NEGR1: variants seen among roughly 807,000 people sequenced by gnomAD.
NEGR1 encodes the protein neuronal growth regulator 1.
NEGR1 carries 10 observed loss-of-function variants against 40.9 expected under a neutral mutation model. That is an observed-to-expected ratio of 0.24 (90% CI 0.15 to 0.42). The LOEUF (loss-of-function observed/expected upper bound fraction) is 0.42. Ranked by LOEUF, NEGR1 falls within the 10% of genes least tolerant of loss-of-function variation. The pLI is 1.00. For synonymous variants in NEGR1, 185 were observed against 166.8 expected (o/e 1.11, Z -0.84); for missense variants, 352 against 438.9 (o/e 0.80, Z 1.77).
intron 1 of NEGR1, among the ~76,000 whole-genome samples, chr1:71,947,138 GTA>G (rs112790373): frequency 3.4e-4 from 48 of 140,888 alleles, no homozygotes; most frequent in Non-Finnish European, 6.4e-4. Flanking sequence ...ACACGTATAT[GTA>G]TATATATATG....
At chr1:71,909,106 TGA>T (rs1661357376) in intron 2 of NEGR1, among the ~76,000 whole-genome samples, 1 of 152,150 alleles carries the variant, frequency 6.6e-6, no homozygotes, top group South Asian at 2.1e-4. Flanking sequence ...GGATTGCCTG[TGA>T]GTCTTTCAAA....
intron 1 of NEGR1, among the ~76,000 whole-genome samples, chr1:72,232,617 T>C (rs899455788): frequency 5.3e-5 from 8 of 152,100 alleles, no homozygotes; most frequent in African/African-American, 1.9e-4. Context: ...TTTCTTTTAG[T>C]GTAATAGCAA....
chr1:72,216,259 G>T (rs1470442712), intron 1 of NEGR1, among the ~76,000 whole-genome samples: 3 of 150,910 alleles, frequency 2.0e-5, no homozygotes, highest in Non-Finnish European at 4.4e-5. Flanking sequence ...TAATGCATGT[G>T]GGGCTTAAAA....
At chr1:72,205,971 A>T (rs2100454781) in intron 1 of NEGR1, among the ~76,000 whole-genome samples, 1 of 150,078 alleles carries the variant, frequency 6.7e-6, no homozygotes, top group Non-Finnish European at 1.5e-5. Flanking sequence ...ACAGATAATT[A>T]CTTAGAGAAT....
intron 3 of NEGR1, among the ~76,000 whole-genome samples, chr1:71,746,560 T>TC (rs1655388962): frequency 6.6e-6 from 1 of 150,922 alleles, no homozygotes; most frequent in African/African-American, 2.5e-5. Context: ...TGAGAAATCT[T>TC]CTTTTTTTTT....
chr1:71,602,495 C>G (rs1649958504), intron 5 of NEGR1, among the ~76,000 whole-genome samples: 1 of 151,804 alleles, frequency 6.6e-6, no homozygotes, highest in Non-Finnish European at 1.5e-5. Flanking sequence ...TCGTGATCCG[C>G]CCGCCTCGGC....
chr1:72,123,184 G>T (rs1215491464), intron 1 of NEGR1, among the ~76,000 whole-genome samples: 1 of 151,738 alleles, frequency 6.6e-6, no homozygotes, highest in African/African-American at 2.4e-5. Context: ...TCATTTTCAT[G>T]CATATTTGGC....
chr1:71,699,298 T>C (rs1377277424), intron 3 of NEGR1, among the ~76,000 whole-genome samples: 1 of 151,920 alleles, frequency 6.6e-6, no homozygotes, highest in Non-Finnish European at 1.5e-5. Context: ...TGTTCCCCCA[T>C]GCACTTCTGT....
intron 2 of NEGR1, among the ~76,000 whole-genome samples, chr1:71,913,056 T>C (rs898205502): frequency 1.3e-5 from 2 of 152,188 alleles, no homozygotes; most frequent in South Asian, 4.1e-4. Flanking sequence ...CCTAAATTCA[T>C]GTTATTTCTA....
At chr1:71,938,844 T>C (rs1645934235) in intron 1 of NEGR1, among the ~76,000 whole-genome samples, 1 of 152,148 alleles carries the variant, frequency 6.6e-6, no homozygotes, top group Non-Finnish European at 1.5e-5. Flanking sequence ...AATTGGATTA[T>C]TGAGATTCTC....
intron 1 of NEGR1, chr1:72,274,542 A>C (rs1180986239): frequency 1.4e-6 from 1 of 730,042 alleles, no homozygotes; most frequent in East Asian, 2.5e-5. Flanking sequence ...GTTTGTTTAA[A>C]ACTGATCCAA....
intron 6 of NEGR1, among the ~76,000 whole-genome samples, chr1:71,418,446 T>C (rs1052044723): frequency 2.6e-5 from 4 of 152,024 alleles, no homozygotes; most frequent in African/African-American, 9.7e-5. Flanking sequence ...CTCGAGTAGC[T>C]GGGACTACAG....
intron 6 of NEGR1, among the ~76,000 whole-genome samples, chr1:71,543,305 C>A (rs552912881): frequency 1.2e-3 from 177 of 151,794 alleles, no homozygotes; most frequent in African/African-American, 4.2e-3. Context: ...AGTAGTCACA[C>A]ACCCCAACCA....
chr1:72,140,546 T>C (rs1650632741), intron 1 of NEGR1, among the ~76,000 whole-genome samples: 1 of 151,964 alleles, frequency 6.6e-6, no homozygotes, highest in Non-Finnish European at 1.5e-5. Flanking sequence ...AATCACCTCT[T>C]AAGGGTCTCA....
chr1:71,762,013 T>G (rs554427572), intron 3 of NEGR1, among the ~76,000 whole-genome samples: 1 of 152,156 alleles, frequency 6.6e-6, no homozygotes, highest in South Asian at 2.1e-4. Flanking sequence ...AGAAAATATT[T>G]AAGATGCATA....
chr1:72,164,746 T>C (rs1019535809), intron 1 of NEGR1, among the ~76,000 whole-genome samples: 9 of 152,018 alleles, frequency 5.9e-5, no homozygotes, highest in Admixed American at 1.3e-4. Flanking sequence ...TCCTTTATCA[T>C]TATAGAAAGA....
intron 4 of NEGR1, among the ~76,000 whole-genome samples, chr1:71,638,803 A>G (rs1203815731): frequency 6.6e-6 from 1 of 151,940 alleles, no homozygotes; most frequent in African/African-American, 2.4e-5. Context: ...AAGGTTACCC[A>G]TGTGTCCGCA....
At chr1:71,803,528 C>T (rs1657638440) in intron 2 of NEGR1, among the ~76,000 whole-genome samples, 1 of 152,146 alleles carries the variant, frequency 6.6e-6, no homozygotes. Flanking sequence ...TTTCTACCAG[C>T]TCCATTGGTT....
intron 4 of NEGR1, among the ~76,000 whole-genome samples, chr1:71,632,735 A>T (rs1651016416): frequency 6.6e-6 from 1 of 151,926 alleles, no homozygotes; most frequent in Non-Finnish European, 1.5e-5. Flanking sequence ...TTTACTGTAC[A>T]TCTGTTATGC....
Sources: gnomAD v4.1 joint callset for allele counts (sites outside exome capture counted in the v4.1 genomes callset) on GRCh38, gnomAD v4.1.1 for gene constraint, MANE v1.5 for transcripts, NCBI Gene and HGNC (gene_info 2026-07-23, HGNC 2026-07-21) for gene names.